NTNG2: variants seen among roughly 807,000 people sequenced by gnomAD.
NTNG2 encodes netrin G2, also known as netrin-G2.
Under a neutral mutation model 47.6 loss-of-function variants are expected in NTNG2, and 15 were observed. The ratio of observed to expected loss-of-function variants is 0.32; its 90% CI spans 0.21 to 0.49. The LOEUF is 0.49. Among genes scored for constraint, NTNG2 ranks in the 20% least tolerant of loss-of-function variants. NTNG2 has a pLI of 0.99. For missense variants in NTNG2, 578 were observed against 764.6 expected, an observed-to-expected ratio of 0.76 and a Z score of 2.88; for synonymous variants, 307 against 324.6, an observed-to-expected ratio of 0.95 and a Z score of 0.58.
chr9:132,214,385 C>T (rs1564424469), intron 3 of NTNG2, among the ~76,000 whole-genome samples: 1 of 152,210 alleles, frequency 6.6e-6, no homozygotes, highest in Non-Finnish European at 1.5e-5. Flanking sequence ...CTGCCTGGCA[C>T]GGGCCAGGGC....
chr9:132,179,181 C>A (rs533981941), intron 2 of NTNG2, among the ~76,000 whole-genome samples: 1 of 152,176 alleles, frequency 6.6e-6, no homozygotes. Flanking sequence ...TCCATCTACA[C>A]GTGCCCTGGA....
At position 132,231,620 on chromosome 9, in the gene NTNG2, T is replaced by A. The variant is rs538744540; in HGVS notation, c.1054+1025T>A. On this transcript the variant is annotated intron_variant, in intron 5 of 7. Coordinates refer to ENST00000393229, the MANE Select transcript of NTNG2 (RefSeq NM_032536.4). The surrounding 1 kb of genome is among the most constrained non-coding windows in gnomAD (Gnocchi z 4.1). The stretch of plus-strand genomic sequence containing the variant: ...ACCCCGGCAACCCCCCAACCCTCTC[T>A]TGCTTTTCCCATCTCTCACCAGGCA... 35 of 279,066 alleles carry A rather than the reference T, an allele frequency of 1.3e-4. No individual in the cohort carries two copies. Among genetic ancestry groups the A allele is most frequent in the Non-Finnish European group, 1.4e-5 (2 of 140,732 alleles). The allele number at this position is 279,066 out of a possible 1,614,324, so 17.3% of individuals were successfully genotyped here.
At position 132,241,759 on chromosome 9, in the gene NTNG2, C is replaced by T. The variant is rs574105150; in HGVS notation, c.1358-117C>T. The T allele has an allele frequency of 5.1e-4, 367 of 724,940 alleles. 5 individuals carry two copies. The South Asian group carries it at 6.2e-3, about 12-fold the overall frequency. The allele number at this position is 724,940 out of a possible 1,614,324, so 44.9% of individuals were successfully genotyped here. ...TCGCACCCAGCGCGCCTGGAGCCTC[C>T]TACATCCCCGGCCCAGACGGCGCCC... On this transcript the variant is annotated intron_variant, in intron 7 of 7. Coordinates refer to ENST00000393229, the MANE Select transcript of NTNG2 (RefSeq NM_032536.4).
At chr9:132,165,566 C>T (rs1835451852) in intron 1 of NTNG2, among the ~76,000 whole-genome samples, 1 of 152,196 alleles carries the variant, frequency 6.6e-6, no homozygotes, top group Non-Finnish European at 1.5e-5. Context: ...CAGTGCCTGG[C>T]TCTTCATGGT....
rs775401695 is a variant in NTNG2, at chr9:132,198,013, C to G, written c.261C>G (p.Asp87Glu). 6.2e-7 allele frequency: 1 copy of G among 1,613,560 alleles called. No homozygotes were observed. Among genetic ancestry groups the G allele is most frequent in the South Asian group, 1.1e-5 (1 of 91,076 alleles). ...ACGAGTGTGACGCCTCCAACCCGGACCTGGCCCACCCGCCCAGGCTCATGT... is the reference window on the plus strand; with the variant it reads ...ACGAGTGTGACGCCTCCAACCCGGAGCTGGCCCACCCGCCCAGGCTCATGT... ...CSNECDASNP[D>E]LAHPPRLMFD... The change falls in exon 3 of 8, where the codon GAC becomes GAG. Residue 87 changes from aspartate to glutamate, a missense_variant. Coordinates refer to ENST00000393229, the MANE Select transcript of NTNG2 (RefSeq NM_032536.4).
intron 3 of NTNG2, among the ~76,000 whole-genome samples, chr9:132,220,139 T>G (rs1840256422): frequency 1.3e-5 from 2 of 152,264 alleles, no homozygotes; most frequent in Admixed American, 6.5e-5. Context: ...TATGCCTTCT[T>G]CGGAGAAATG....
At position 132,223,425 on chromosome 9, in the gene NTNG2, G is replaced by A. The variant is rs1317317593; in HGVS notation, c.858-3424G>A. Among the ~76,000 whole-genome samples the A allele has an allele frequency of 5.3e-5, 8 of 152,182 alleles. 1 individual carries two copies. The highest frequency in any genetic ancestry group is 2.0e-4 in the Admixed American group (3 of 15,270). On this transcript the variant is annotated intron_variant, in intron 3 of 7. Coordinates refer to ENST00000393229, the MANE Select transcript of NTNG2 (RefSeq NM_032536.4). ...GCAGGACTGAGATATGAGGGAGGCC[G>A]GATGCGAGGAGGGAGCTCTGCAGCC... is the stretch of plus-strand genomic sequence containing the variant.
In NTNG2 at chr9:132,219,089, C is replaced by T. The variant is rs377354584; in HGVS notation, c.858-7760C>T. Among the ~76,000 whole-genome samples the T allele has an allele frequency of 2.0e-5, 3 of 152,136 alleles. No homozygotes were observed. In the East Asian group the frequency reaches 5.8e-4, roughly 29 times the overall value. On this transcript the variant is annotated intron_variant, in intron 3 of 7. Coordinates refer to ENST00000393229, the MANE Select transcript of NTNG2 (RefSeq NM_032536.4). ...CACTCTGGCCGGGTGTGGTGGCACA[C>T]GCCTGTAATCCCAGCTACTTGGGAG...
intron 2 of NTNG2, among the ~76,000 whole-genome samples, chr9:132,189,068 C>CTTTCTTTTTTTT (rs1837640741): frequency 2.1e-5 from 2 of 93,232 alleles, no homozygotes; most frequent in African/African-American, 4.6e-5. Flanking sequence ...TTAAGCCTTT[C>CTTTCTTTTTTTT]TTTTTTTTTT....
intron 3 of NTNG2, among the ~76,000 whole-genome samples, chr9:132,223,743 A>G (rs1360736315): frequency 6.6e-6 from 1 of 152,198 alleles, no homozygotes; most frequent in East Asian, 1.9e-4. Context: ...CCAGGCCTCT[A>G]TTCGCAGGAT....
At chr9:132,201,079 C>G (rs1433916298) in intron 3 of NTNG2, among the ~76,000 whole-genome samples, 1 of 152,248 alleles carries the variant, frequency 6.6e-6, no homozygotes, top group Non-Finnish European at 1.5e-5. Flanking sequence ...TTCAAGGACC[C>G]TGCCTTACCT....
chr9:132,213,762 A>G (rs544880565), intron 3 of NTNG2, among the ~76,000 whole-genome samples: 1 of 152,384 alleles, frequency 6.6e-6, no homozygotes, highest in Non-Finnish European at 1.5e-5. Context: ...GAGAAATTGG[A>G]AAACATTGCT....
intron 3 of NTNG2, among the ~76,000 whole-genome samples, chr9:132,212,976 C>T (rs1215958441): frequency 2.0e-5 from 3 of 152,074 alleles, no homozygotes; most frequent in East Asian, 1.9e-4. Flanking sequence ...TGTTTCATGA[C>T]GTCTTGACTC....
At chr9:132,189,734 G>A (rs1437905634) in intron 2 of NTNG2, among the ~76,000 whole-genome samples, 3 of 152,066 alleles carry the variant, frequency 2.0e-5, no homozygotes, top group Non-Finnish European at 2.9e-5. Flanking sequence ...CTGCCTCCCA[G>A]GTTCAAATGA....
At chr9:132,240,127 C>T (rs539542893) in intron 6 of NTNG2, among the ~76,000 whole-genome samples, 2 of 152,386 alleles carry the variant, frequency 1.3e-5, no homozygotes, top group Non-Finnish European at 2.9e-5. Flanking sequence ...GGGACACCAT[C>T]ACCCATCCCC....
Position 132,242,762 on chromosome 9 carries a change from G to A in NTNG2, c.*651G>A, listed in dbSNP as rs915730636. 1.3e-5 allele frequency: 2 copies of A among 152,202 alleles called. No individual in the cohort carries two copies. Among genetic ancestry groups the A allele is most frequent in the Non-Finnish European group, 2.9e-5 (2 of 68,062 alleles). The allele number at this position is 152,202 out of a possible 1,614,324, so 9.4% of individuals were successfully genotyped here. A position where few individuals can be genotyped will look rare whatever the true frequency, so the allele number is the denominator to read the frequency against. On this transcript the variant is annotated 3_prime_UTR_variant, in exon 8 of 8. Transcript: ENST00000393229. The surrounding 1 kb of genome is among the most constrained non-coding windows in gnomAD (Gnocchi z 5.9). ...TCACTGTCCCCTGCAAGGGGGACGGGGCGGGAGCACTGGTCACCGCGGGGG... is the reference window on the plus strand; with the variant it reads ...TCACTGTCCCCTGCAAGGGGGACGGAGCGGGAGCACTGGTCACCGCGGGGG...
intron 5 of NTNG2, among the ~76,000 whole-genome samples, chr9:132,234,659 C>T (rs1053426170): frequency 2.0e-5 from 3 of 152,222 alleles, no homozygotes; most frequent in Non-Finnish European, 2.9e-5. Flanking sequence ...CGGAAAACGC[C>T]GCTGGAGACA....
Position 132,166,908 on chromosome 9 carries a change from T to A in NTNG2, c.77T>A (p.Val26Glu). The change falls in exon 2 of 8, where the codon GTG (valine) becomes GAG (glutamate). Residue 26 changes from valine to glutamate, a missense_variant. Val to Glu is a moderately radical substitution (Grantham distance 121). Transcript: ENST00000393229. ...SGDYDICKSW[V>E]TTDEGPTWEF... ...GACTATGACATCTGCAAATCCTGGG[T>A]GACCACAGATGAGGGCCCCACCTGG... The A allele has an allele frequency of 6.2e-7, 1 of 1,614,184 alleles. No homozygotes were observed. Among genetic ancestry groups the A allele is most frequent in the African/African-American group, 1.3e-5 (1 of 75,052 alleles).
At chr9:132,207,333 C>T (rs1839239808) in intron 3 of NTNG2, among the ~76,000 whole-genome samples, 2 of 152,192 alleles carry the variant, frequency 1.3e-5, no homozygotes, top group Non-Finnish European at 2.9e-5. Flanking sequence ...GTGGAACCTG[C>T]AGAGGGGAAT....
Sources: gnomAD v4.1 joint callset for allele counts (sites outside exome capture counted in the v4.1 genomes callset) on GRCh38, gnomAD v4.1.1 for gene constraint, Gnocchi (gnomAD v3.1) non-coding constraint, MANE v1.5 for transcripts, NCBI Gene and HGNC (gene_info 2026-07-23, HGNC 2026-07-21) for gene names.